Variants in SEPTIN9 observed in about 807,000 individuals in gnomAD.
SEPTIN9 encodes septin 9, also known as septin-9.
SEPTIN9 carries 13 observed loss-of-function variants against 56.6 expected under a neutral mutation model. That is an observed-to-expected ratio of 0.23 (90% CI 0.15 to 0.37). The LOEUF is 0.37. Ranked by LOEUF, SEPTIN9 falls within the 10% of genes least tolerant of loss-of-function variation. The pLI, the probability that SEPTIN9 is intolerant of heterozygous loss-of-function variation, is 1.00. For missense variants in SEPTIN9, 650 were observed against 823.1 expected (o/e 0.79, Z 2.57); for synonymous variants, 332 against 334.1 (o/e 0.99, Z 0.07).
chr17:77,413,957 T>TC (rs1345772759), intron 3 of SEPTIN9, among the ~76,000 whole-genome samples: 4 of 78,722 alleles, frequency 5.1e-5, no homozygotes, highest in African/African-American at 1.6e-4. Flanking sequence ...TTTTTTTTTT[T>TC]CCCCTCTCTC....
chr17:77,373,299 A>G, intron 2 of SEPTIN9: 2 of 1,118,468 alleles, frequency 1.8e-6, no homozygotes, highest in Non-Finnish European at 2.2e-6. Flanking sequence ...GCGGGGGCGC[A>G]GCGCGCGGGG....
At chr17:77,483,419 G>T (rs1347843087) in intron 4 of SEPTIN9, 1 of 152,510 alleles carries the variant, frequency 6.6e-6, no homozygotes, top group Non-Finnish European at 1.5e-5. Flanking sequence ...GGGCGGAGGT[G>T]TGGGGTCCCC....
intron 3 of SEPTIN9, among the ~76,000 whole-genome samples, chr17:77,424,133 C>T (rs773253243): frequency 2.6e-5 from 4 of 152,266 alleles, no homozygotes; most frequent in Admixed American, 6.5e-5. Context: ...GTACTCCAGG[C>T]GCTGGGCTCG....
chr17:77,288,948 T>A (rs541235209), intron 1 of SEPTIN9, among the ~76,000 whole-genome samples: 6 of 152,370 alleles, frequency 3.9e-5, no homozygotes, highest in Non-Finnish European at 7.3e-5. Context: ...GGCATCATGT[T>A]GCCTCCAGCA....
At chr17:77,283,656 G>T (rs1046129449) in intron 1 of SEPTIN9, among the ~76,000 whole-genome samples, 4 of 152,206 alleles carry the variant, frequency 2.6e-5, no homozygotes, top group African/African-American at 9.7e-5. Context: ...TTCCAGACCT[G>T]TATGTGGGCT....
Position 77,451,491 on chromosome 17 carries a change from T to TC in SEPTIN9, c.722-30652dup. 2 of 985,786 alleles carry TC rather than the reference T, an allele frequency of 2.0e-6. No individual in the cohort carries two copies. The highest frequency in any genetic ancestry group is 2.4e-6 in the Non-Finnish European group (2 of 830,240). 61.1% of individuals were successfully genotyped at this position (985,786 alleles called of 1,614,324 possible). A position where few individuals can be genotyped will look rare whatever the true frequency, so the allele number is the denominator to read the frequency against. On this transcript the variant is annotated intron_variant, in intron 3 of 11. Coordinates refer to ENST00000427177, the MANE Select transcript of SEPTIN9 (RefSeq NM_001113491.2). This position sits in a 1 kb window ranked among gnomAD's most constrained non-coding sequence, Gnocchi z 4.2. ...TGACCCGGTGGGCGGGCCGCGGCTC[T>TC]CGGCGCGTCCAGCGCAGCCCGACGT...
chr17:77,308,894 G>T (rs2032372283), intron 2 of SEPTIN9, among the ~76,000 whole-genome samples: 1 of 152,262 alleles, frequency 6.6e-6, no homozygotes, highest in South Asian at 2.1e-4. Flanking sequence ...TGCAGTACAG[G>T]ATGGGACTGT....
At chr17:77,446,051 A>T (rs1419742120) in intron 3 of SEPTIN9, 1 of 167,596 alleles carries the variant, frequency 6.0e-6, no homozygotes, top group East Asian at 1.9e-4. Context: ...CTGCACAAGG[A>T]AGCGCCTGTG....
chr17:77,406,701 C>T (rs745597562), intron 3 of SEPTIN9, among the ~76,000 whole-genome samples: 2 of 150,788 alleles, frequency 1.3e-5, no homozygotes, highest in African/African-American at 2.4e-5. Context: ...GATGGAGTCT[C>T]TCTCTATCAC....
At position 77,402,843 on chromosome 17, in the gene SEPTIN9, G is replaced by T. The variant is rs926958692; in HGVS notation, c.721+140G>T. The T allele has an allele frequency of 2.5e-6, 2 of 808,106 alleles. No individual in the cohort carries two copies. Among genetic ancestry groups the T allele is most frequent in the African/African-American group, 3.5e-5 (2 of 57,934 alleles). The allele number at this position is 808,106 out of a possible 1,614,324, so 50.1% of individuals were successfully genotyped here. The stretch of plus-strand genomic sequence containing the variant: ...GAGACCCAGAAAGACCGGAATGCAT[G>T]GGGGTGGGGGTCTGCAAGCTCAGGA... On this transcript the variant is annotated intron_variant, in intron 3 of 11. Transcript: ENST00000427177. This position sits in a 1 kb window ranked among gnomAD's most constrained non-coding sequence, Gnocchi z 6.6.
chr17:77,475,282 G>T lies in SEPTIN9; in HGVS notation c.722-6862G>T. 7.1e-7 allele frequency: 1 copy of T among 1,410,886 alleles called. No individual in the cohort carries two copies. The highest frequency in any genetic ancestry group is 9.2e-7 in the Non-Finnish European group (1 of 1,086,286). 87.4% of individuals were successfully genotyped at this position (1,410,886 alleles called of 1,614,324 possible). ...GGAGACTGTCTGGACGCAGAGAGCA[G>T]GCTCTGTGTGGGAGCGGGGAGGGCA... On this transcript the variant is annotated intron_variant, in intron 3 of 11. Coordinates refer to ENST00000427177, the MANE Select transcript of SEPTIN9 (RefSeq NM_001113491.2). This position sits in a 1 kb window ranked among gnomAD's most constrained non-coding sequence, Gnocchi z 4.6.
chr17:77,466,685 C>T, intron 3 of SEPTIN9: 7 of 496,326 alleles, frequency 1.4e-5, no homozygotes, highest in Non-Finnish European at 1.8e-5. Flanking sequence ...CTGGGGGCTC[C>T]CTCATTTAAC....
chr17:77,424,571 G>A (rs906949413), intron 3 of SEPTIN9, among the ~76,000 whole-genome samples: 9 of 152,218 alleles, frequency 5.9e-5, no homozygotes, highest in Non-Finnish European at 8.8e-5. Context: ...CTAAGCTCTT[G>A]TTCTCCTCCA....
At chr17:77,399,216 C>T (rs968199934) in intron 2 of SEPTIN9, among the ~76,000 whole-genome samples, 1 of 152,190 alleles carries the variant, frequency 6.6e-6, no homozygotes, top group African/African-American at 2.4e-5. Context: ...GCAGTGTCTT[C>T]GATCATGAGT....
chr17:77,306,076 G>A (rs1238580098), intron 1 of SEPTIN9, among the ~76,000 whole-genome samples: 1 of 151,694 alleles, frequency 6.6e-6, no homozygotes. Context: ...TGGTGGGGTG[G>A]ATGGGGTCCA....
At chr17:77,353,043 A>G (rs1218286190) in intron 2 of SEPTIN9, among the ~76,000 whole-genome samples, 1 of 152,188 alleles carries the variant, frequency 6.6e-6, no homozygotes, top group African/African-American at 2.4e-5. Context: ...CAAAGACCCT[A>G]TGTCCATATA....
intron 2 of SEPTIN9, among the ~76,000 whole-genome samples, chr17:77,321,728 C>T (rs529142809): frequency 2.0e-5 from 3 of 152,182 alleles, no homozygotes; most frequent in Non-Finnish European, 2.9e-5. Context: ...ACTGGTGGAG[C>T]GGGTGTGTGT....
rs959957976 is a variant in SEPTIN9 at position 77,425,877 on chromosome 17, C to A, written c.721+23174C>A. Among the ~76,000 whole-genome samples the A allele has an allele frequency of 2.0e-5, 3 of 152,234 alleles. No homozygotes were observed. Among genetic ancestry groups the A allele is most frequent in the African/African-American group, 7.2e-5 (3 of 41,462 alleles). On this transcript the variant is annotated intron_variant, in intron 3 of 11. Transcript: ENST00000427177. This position sits in a 1 kb window ranked among gnomAD's most constrained non-coding sequence, Gnocchi z 4.2. ...TGCGGTCTTGGACAGTCCCAGCCCT[C>A]CTGGAGCTGAGCATCCTGATCTGTA...
At chr17:77,431,785 G>A (rs905106135) in intron 3 of SEPTIN9, among the ~76,000 whole-genome samples, 9 of 148,902 alleles carry the variant, frequency 6.0e-5, no homozygotes, top group African/African-American at 7.5e-5. Flanking sequence ...AGCCAAGATC[G>A]TGCCACTGCA....
Sources: gnomAD v4.1 joint callset for allele counts (sites outside exome capture counted in the v4.1 genomes callset) on GRCh38, gnomAD v4.1.1 for gene constraint, Gnocchi (gnomAD v3.1) non-coding constraint, MANE v1.5 for transcripts, NCBI Gene and HGNC (gene_info 2026-07-23, HGNC 2026-07-21) for gene names.